The following PRKAG2 variants were observed in gnomAD, a reference collection of about 807,000 sequenced individuals.
The protein encoded by PRKAG2 is protein kinase AMP-activated non-catalytic subunit gamma 2, also known as 5'-AMP-activated protein kinase subunit gamma-2.
In PRKAG2, 26 loss-of-function variants were observed where a neutral mutation model predicts 69.6. The observed-to-expected ratio is 0.37, with a 90% CI of 0.27 to 0.52. PRKAG2 has a LOEUF of 0.52. Ranked by LOEUF, PRKAG2 falls within the 20% of genes least tolerant of loss-of-function variation. The pLI, the probability that PRKAG2 is intolerant of heterozygous loss-of-function variation, is 0.90. For synonymous variants in PRKAG2, 293 were observed against 285.0 expected, an observed-to-expected ratio of 1.03 and a Z score of -0.28; for missense variants, 557 against 740.0, an observed-to-expected ratio of 0.75 and a Z score of 2.87.
chr7:151,820,175 G>GCTATTCACGC (rs1208352209), intron 1 of PRKAG2, among the ~76,000 whole-genome samples: 1 of 152,262 alleles, frequency 6.6e-6, no homozygotes. Context: ...GGAAGGACTC[G>GCTATTCACGC]CTATTCACGC....
intron 4 of PRKAG2, among the ~76,000 whole-genome samples, chr7:151,671,173 A>AC (rs1831983210): frequency 6.3e-5 from 1 of 15,886 alleles, no homozygotes; most frequent in Non-Finnish European, 1.5e-4. Flanking sequence ...GACTGTCTCA[A>AC]AAAAAAAAAA....
chr7:151,738,312 T>A (rs1006628588), intron 3 of PRKAG2, among the ~76,000 whole-genome samples: 2 of 147,832 alleles, frequency 1.4e-5, no homozygotes. Context: ...AAGCCAGAGA[T>A]GCCCAGATCT....
intron 1 of PRKAG2, among the ~76,000 whole-genome samples, chr7:151,794,730 G>A (rs183066588): frequency 4.2e-4 from 64 of 152,350 alleles, no homozygotes; most frequent in African/African-American, 1.1e-3. Context: ...TCTTTATCCC[G>A]TTCCCAAGGT....
chr7:151,704,244 A>T (rs1180034286), intron 3 of PRKAG2, among the ~76,000 whole-genome samples: 1 of 152,238 alleles, frequency 6.6e-6, no homozygotes, highest in East Asian at 1.9e-4. Flanking sequence ...AAAATATACA[A>T]TTAAGTTATT....
At chr7:151,691,555 AATG>A (rs1835672007) in intron 3 of PRKAG2, among the ~76,000 whole-genome samples, 2 of 152,198 alleles carry the variant, frequency 1.3e-5, no homozygotes, top group African/African-American at 4.8e-5. Flanking sequence ...GATGACAAAT[AATG>A]ATATGATATT....
In PRKAG2 at chr7:151,781,999, C is replaced by T. The variant is rs1466838577; in HGVS notation, c.187-568G>A. ...AAAAGTTCACAAAGCCAGCCGGGTA[C>T]GGTGACTCACGCCTGTAATCCCAGC... is the stretch of plus-strand genomic sequence containing the variant. On this transcript the variant is annotated intron_variant, in intron 2 of 15. Transcript: ENST00000287878. This position sits in a 1 kb window ranked among gnomAD's most constrained non-coding sequence, Gnocchi z 6.1. 6.6e-6 allele frequency among the ~76,000 whole-genome samples: 1 copy of T among 152,000 alleles called. No homozygotes were observed. Among genetic ancestry groups the T allele is most frequent in the Non-Finnish European group, 1.5e-5 (1 of 68,008 alleles).
intron 5 of PRKAG2, among the ~76,000 whole-genome samples, chr7:151,627,167 G>T (rs1331954943): frequency 6.6e-6 from 1 of 152,182 alleles, no homozygotes; most frequent in African/African-American, 2.4e-5. Context: ...GCCCGGAGAG[G>T]CCTCACGGGT....
In PRKAG2 at chr7:151,638,241, TGTG is replaced by T. The variant is rs1458215810; in HGVS notation, c.685-6106_685-6104del. On this transcript the variant is annotated intron_variant, in intron 4 of 15. Coordinates refer to ENST00000287878, the MANE Select transcript of PRKAG2 (RefSeq NM_016203.4). This position sits in a 1 kb window ranked among gnomAD's most constrained non-coding sequence, Gnocchi z 4.3. Reference sequence around the variant, plus strand: ...CCAGTCTGAGGTTACTGGACTCTAGTGTGGTGGGAGGGAACAGAGGGACCCAAG... The same window carrying T: ...CCAGTCTGAGGTTACTGGACTCTAGTGTGGGAGGGAACAGAGGGACCCAAG... 2.0e-5 allele frequency among the ~76,000 whole-genome samples: 3 copies of T among 152,104 alleles called. No homozygotes were observed. Among genetic ancestry groups the T allele is most frequent in the African/African-American group, 7.2e-5 (3 of 41,422 alleles).
chr7:151,717,330 T>C (rs1384017294), intron 3 of PRKAG2, among the ~76,000 whole-genome samples: 2 of 151,754 alleles, frequency 1.3e-5, no homozygotes, highest in Non-Finnish European at 2.9e-5. Context: ...CAATCAGTCA[T>C]TGACGAGAGT....
At chr7:151,848,046 C>CA (rs2079476622) in intron 1 of PRKAG2, among the ~76,000 whole-genome samples, 1 of 152,304 alleles carries the variant, frequency 6.6e-6, no homozygotes, top group South Asian at 2.1e-4. Context: ...ACTACGCCAC[C>CA]CCTCCCTCCT....
chr7:151,704,498 T>G (rs1006066224), intron 3 of PRKAG2, among the ~76,000 whole-genome samples: 37 of 152,240 alleles, frequency 2.4e-4, no homozygotes, highest in Middle Eastern at 3.2e-3. Flanking sequence ...TATGCAAATC[T>G]ACCATCATGT....
chr7:151,631,253 T>A (rs2151319960), intron 5 of PRKAG2, among the ~76,000 whole-genome samples: 1 of 152,322 alleles, frequency 6.6e-6, no homozygotes, highest in Admixed American at 6.5e-5. Context: ...TTGTCAAGCA[T>A]CTTATATAAA....
At chr7:151,837,080 G>A (rs927539978) in intron 1 of PRKAG2, among the ~76,000 whole-genome samples, 2 of 152,152 alleles carry the variant, frequency 1.3e-5, no homozygotes, top group East Asian at 1.9e-4. Context: ...GTGCACAGCC[G>A]TCTTCACATC....
At position 151,755,334 on chromosome 7, in the gene PRKAG2, G is replaced by T. The variant is rs573049336; in HGVS notation, c.466+25818C>A. ...GTGTTTTCTAGCAGAGGGCCTAGGG[G>T]ACATGCTCAGCATCTCAGGGTGTTT... On this transcript the variant is annotated intron_variant, in intron 3 of 15. Coordinates refer to ENST00000287878, the MANE Select transcript of PRKAG2 (RefSeq NM_016203.4). Among the ~76,000 whole-genome samples, 51 of 152,210 alleles carry T rather than the reference G, an allele frequency of 3.4e-4. 1 individual carries two copies. The Middle Eastern group carries it at 0.014, about 41-fold the overall frequency.
intron 3 of PRKAG2, among the ~76,000 whole-genome samples, chr7:151,752,969 G>A (rs780525111): frequency 1.9e-4 from 29 of 152,198 alleles, no homozygotes; most frequent in Non-Finnish European, 2.9e-4. Flanking sequence ...AAGGTGTCGC[G>A]GCCGCATCGG....
Position 151,788,147 on chromosome 7 carries a change from C to G in PRKAG2, c.115-1606G>C, listed in dbSNP as rs1478489679. On this transcript the variant is annotated intron_variant, in intron 1 of 15. Coordinates refer to ENST00000287878, the MANE Select transcript of PRKAG2 (RefSeq NM_016203.4). The surrounding 1 kb of genome is among the most constrained non-coding windows in gnomAD (Gnocchi z 4.6). ...TGGAACTGCTGGACATCAGGTCATC[C>G]TACTGTCAATTTTTTGAGGAGCCAC... Among the ~76,000 whole-genome samples the G allele has an allele frequency of 3.3e-5, 5 of 152,156 alleles. No homozygotes were observed. Among genetic ancestry groups the G allele is most frequent in the African/African-American group, 4.8e-5 (2 of 41,446 alleles).
intron 1 of PRKAG2, among the ~76,000 whole-genome samples, chr7:151,802,478 A>G (rs1378164006): frequency 1.3e-5 from 2 of 152,216 alleles, no homozygotes; most frequent in African/African-American, 2.4e-5. Flanking sequence ...GTGAAGAAGA[A>G]AGGGGAACTC....
At chr7:151,613,947 C>T (rs192176523) in intron 5 of PRKAG2, among the ~76,000 whole-genome samples, 15 of 152,024 alleles carry the variant, frequency 9.9e-5, no homozygotes, top group East Asian at 9.7e-4. Flanking sequence ...GGATTACAGG[C>T]GCACACCACC....
chr7:151,561,010 A>C (rs532492586), intron 14 of PRKAG2, among the ~76,000 whole-genome samples: 1 of 152,322 alleles, frequency 6.6e-6, no homozygotes, highest in South Asian at 2.1e-4. Context: ...TTAGGCTCTA[A>C]TGTTCAATGT....
Sources: allele counts gnomAD v4.1 joint callset (sites outside exome capture counted in the v4.1 genomes callset), GRCh38; gene constraint gnomAD v4.1.1; non-coding constraint Gnocchi (gnomAD v3.1); transcripts MANE v1.5; gene names NCBI Gene and HGNC (gene_info 2026-07-23, HGNC 2026-07-21).